Variants in DICER1 observed in about 807,000 individuals in gnomAD.
DICER1 encodes the protein dicer 1, ribonuclease III.
DICER1 carries 43 observed loss-of-function variants against 194.1 expected under a neutral mutation model. That is an observed-to-expected ratio of 0.22 (90% CI 0.17 to 0.29). The LOEUF (loss-of-function observed/expected upper bound fraction) is 0.29, where lower values mean the gene tolerates loss of function less well. Among genes scored for constraint, DICER1 ranks in the 10% least tolerant of loss-of-function variants. DICER1 has a pLI of 1.00. For missense variants in DICER1, 1,608 were observed against 2,317.0 expected (o/e 0.69, Z 6.28); for synonymous variants, 832 against 820.5 (o/e 1.01, Z -0.24).
chr14:95,096,676 T>C lies in DICER1; in HGVS notation c.4244A>G (p.Glu1415Gly), dbSNP rs1343899610. The C allele has an allele frequency of 6.2e-7, 1 of 1,612,666 alleles. No individual in the cohort carries two copies. Among genetic ancestry groups the C allele is most frequent in the Non-Finnish European group, 8.5e-7 (1 of 1,179,312 alleles). Reference protein sequence around the residue: ...DCMLANGKLDEDYEEEDEEEE... With the variant: ...DCMLANGKLDGDYEEEDEEEE... ...CTCCTCATCCTCCTCCTCGTAATCC[T>C]CATCCAGTTTGCCATTCGCCAGCAT... Residue 1415 changes from glutamate to glycine, a missense_variant, in exon 23 of 27, where the codon GAG (glutamate) becomes GGG (glycine). This residue lies in a region of DICER1 where 164 missense variants were observed against 183.7 expected (regional missense o/e 0.89). Coordinates refer to ENST00000343455, the MANE Select transcript of DICER1 (RefSeq NM_177438.3).
Position 95,132,548 on chromosome 14 carries a change from TTCTGC to T in DICER1, c.269_273del (p.Ser90LysfsTer53). 6.2e-7 allele frequency: 1 copy of T among 1,614,038 alleles called. No individual in the cohort carries two copies. On this transcript the variant is annotated frameshift_variant, in exon 3 of 27. Transcript: ENST00000343455. LOFTEE classifies it high-confidence loss of function. The stretch of plus-strand genomic sequence containing the variant: ...ACCAAGAACACCGTCCTTTTTCCAT[TTCTGC>T]TGAAGTCTCCCCTGATCTGATAGGA...
Position 95,116,580 on chromosome 14 carries a change from T to C in DICER1, c.1625A>G (p.Glu542Gly), listed in dbSNP as rs761391603. 2.7e-5 allele frequency: 44 copies of C among 1,613,942 alleles called. No homozygotes were observed. The highest frequency in any genetic ancestry group is 3.6e-5 in the Non-Finnish European group (42 of 1,179,982). ...TTTAGATTGAACATAGGATCGATAT[T>C]CTGTGGGCAAATCAAAACGAACCAC... ...NLVVRFDLPT[E>G]YRSYVQSKGR... Residue 542 changes from glutamate (E) to glycine (G), a missense_variant, in exon 10 of 27, where the codon GAA becomes GGA. Physicochemically the swap from Glu to Gly is moderately conservative, Grantham distance 98. Coordinates refer to ENST00000343455, the MANE Select transcript of DICER1 (RefSeq NM_177438.3).
chr14:95,118,329 A>C (rs1294945202), intron 8 of DICER1, among the ~76,000 whole-genome samples: 2 of 152,046 alleles, frequency 1.3e-5, no homozygotes, highest in Non-Finnish European at 2.9e-5. Flanking sequence ...TTATCCTATC[A>C]CCTGATATCA....
At position 95,089,975 on chromosome 14, in the gene DICER1, T is replaced by C. The variant is rs1889640845; in HGVS notation, c.*523A>G. The C allele has an allele frequency of 7.3e-6, 2 of 273,564 alleles. No individual in the cohort carries two copies. Among genetic ancestry groups the C allele is most frequent in the East Asian group, 1.1e-4 (2 of 18,348 alleles). 16.9% of individuals were successfully genotyped at this position (273,564 alleles called of 1,614,324 possible). Reference sequence around the variant, plus strand: ...CGACCGGGAACATCACCTTACACAGTATAACGTGGAAAGAAAAGACAACAT... The same window carrying C: ...CGACCGGGAACATCACCTTACACAGCATAACGTGGAAAGAAAAGACAACAT... On this transcript the variant is annotated 3_prime_UTR_variant, in exon 27 of 27. Transcript: ENST00000343455.
At chr14:95,123,140 A>C (rs1448400643) in intron 8 of DICER1, among the ~76,000 whole-genome samples, 2 of 152,202 alleles carry the variant, frequency 1.3e-5, no homozygotes, top group African/African-American at 4.8e-5. Flanking sequence ...AAAAAATAAG[A>C]GTATCTATCT....
In DICER1 at chr14:95,087,246, A is replaced by G. The variant is rs1889407570; in HGVS notation, c.*3252T>C. On this transcript the variant is annotated 3_prime_UTR_variant, in exon 27 of 27. Coordinates refer to ENST00000343455, the MANE Select transcript of DICER1 (RefSeq NM_177438.3). ...AGAATCTTTCTGAGGGCAAAGTATT[A>G]TTAACAAATAAAAATATCAGTATTT... 1 of 233,394 alleles carries G rather than the reference A, an allele frequency of 4.3e-6. No individual in the cohort carries two copies. Among genetic ancestry groups the G allele is most frequent in the Non-Finnish European group, 8.5e-6 (1 of 117,886 alleles). The allele number at this position is 233,394 out of a possible 1,614,324, so 14.5% of individuals were successfully genotyped here.
intron 1 of DICER1, among the ~76,000 whole-genome samples, chr14:95,155,162 T>C (rs1895762701): frequency 6.6e-6 from 1 of 152,188 alleles, no homozygotes; most frequent in South Asian, 2.1e-4. Context: ...ATCGAGTTGA[T>C]CGCAGGGTCA....
chr14:95,105,405 A>T lies in DICER1; in HGVS notation c.3094-159T>A, dbSNP rs1238129110. ...AAATAATCCTCTAAGGCCAAATGGG[A>T]TTTATCAAAGGATTTATGAGAATGA... On this transcript the variant is annotated intron_variant, in intron 19 of 26. Transcript: ENST00000343455. The surrounding 1 kb of genome is among the most constrained non-coding windows in gnomAD (Gnocchi z 4.9). Among the ~76,000 whole-genome samples the T allele has an allele frequency of 1.3e-5, 2 of 152,218 alleles. No individual in the cohort carries two copies. The highest frequency in any genetic ancestry group is 3.8e-4 in the East Asian group (2 of 5,204).
At chr14:95,139,525 T>C (rs960743185) in intron 1 of DICER1, among the ~76,000 whole-genome samples, 2 of 152,246 alleles carry the variant, frequency 1.3e-5, no homozygotes, top group African/African-American at 4.8e-5. Flanking sequence ...ATACACAACA[T>C]ACATGTTATT....
Position 95,157,235 on chromosome 14 carries a change from G to C in DICER1, c.-51C>G, listed in dbSNP as rs986194180. On this transcript the variant is annotated 5_prime_UTR_variant, in exon 1 of 27. Transcript: ENST00000343455. ...TCCGCGGGAGCCCGCCTCACCTGCA[G>C]CACGGGGCGCCGCGGGCCTTCGAGA... The C allele has an allele frequency of 1.3e-5, 2 of 150,866 alleles. No homozygotes were observed. Among genetic ancestry groups the C allele is most frequent in the Non-Finnish European group, 3.0e-5 (2 of 67,596 alleles). The allele number at this position is 150,866 out of a possible 1,614,324, so 9.3% of individuals were successfully genotyped here. A position where few individuals can be genotyped will look rare whatever the true frequency, so the allele number is the denominator to read the frequency against.
rs1891945229 is a variant in DICER1, at chr14:95,111,386, A to G, written c.2187T>C (p.His729=). ...TVKYEEELDL[H]DEEETSVPGR... is the part of the protein sequence containing the mutation. ...CTGGAACACTGGTCTCTTCTTCATC[A>G]TGCAAATCAAGCTCCTCTTCATATT... The change falls in exon 14 of 27, where the codon CAT becomes CAC. Residue 729 remains histidine (H), a synonymous_variant. Transcript: ENST00000343455. 1.2e-6 allele frequency: 2 copies of G among 1,614,052 alleles called. No homozygotes were observed. Among genetic ancestry groups the G allele is most frequent in the South Asian group, 1.1e-5 (1 of 91,086 alleles).
At chr14:95,108,743 T>C (rs1432916735) in intron 14 of DICER1, among the ~76,000 whole-genome samples, 2 of 152,222 alleles carry the variant, frequency 1.3e-5, no homozygotes, top group Admixed American at 6.5e-5. Flanking sequence ...GCTGACTACA[T>C]AGCTAATACC....
intron 24 of DICER1, among the ~76,000 whole-genome samples, chr14:95,093,551 A>G (rs1890034667): frequency 6.6e-6 from 1 of 152,246 alleles, no homozygotes; most frequent in East Asian, 1.9e-4. Context: ...GGCTTTTACT[A>G]AAGCTAAACC....
chr14:95,107,618 T>C lies in DICER1; in HGVS notation c.2794A>G (p.Ile932Val). Residue 932 changes from isoleucine (I) to valine (V), a missense_variant, in exon 17 of 27, where the codon ATC becomes GTC. Physicochemically the swap from Ile to Val is conservative, Grantham distance 29 (BLOSUM62 3). Coordinates refer to ENST00000343455, the MANE Select transcript of DICER1 (RefSeq NM_177438.3). ...FKLEDYQDAV[I>V]IPRYRNFDQP... is the part of the protein sequence containing the mutation. ...CATTTAAATACCTACCTTGGAATGA[T>C]AACGGCATCTTGGTAATCTTCTAAT... The C allele has an allele frequency of 1.2e-6, 2 of 1,613,988 alleles. No individual in the cohort carries two copies. The highest frequency in any genetic ancestry group is 1.1e-5 in the South Asian group (1 of 91,080).
intron 1 of DICER1, among the ~76,000 whole-genome samples, chr14:95,136,396 A>G (rs1012509606): frequency 4.3e-4 from 65 of 151,976 alleles, no homozygotes; most frequent in African/African-American, 1.5e-3. Context: ...TTTTTTCACC[A>G]AGACTGAGAA....
Position 95,103,755 on chromosome 14 carries a change from G to A in DICER1, c.3641C>T (p.Thr1214Ile), listed in dbSNP as rs769277842. 1.2e-6 allele frequency: 2 copies of A among 1,614,206 alleles called. No individual in the cohort carries two copies. The highest frequency in any genetic ancestry group is 1.7e-6 in the Non-Finnish European group (2 of 1,180,030). Reference sequence around the variant, plus strand: ...TAAATTCTGAATGGAATATGAGGTAGTTGGTTGCACGGGTATTTCCTGCTT... The same window carrying A: ...TAAATTCTGAATGGAATATGAGGTAATTGGTTGCACGGGTATTTCCTGCTT... ...YYKQEIPVQP[T>I]TSYSIQNLYS... is the part of the protein sequence containing the mutation. Residue 1214 changes from threonine (T) to isoleucine (I), a missense_variant, in exon 21 of 27, where the codon ACT becomes ATT. This residue lies in a region of DICER1 where 222 missense variants were observed against 215.5 expected (regional missense o/e 1.03). Transcript: ENST00000343455.
At chr14:95,103,171 T>C (rs1891044120) in intron 21 of DICER1, among the ~76,000 whole-genome samples, 175 bp downstream of exon 21, 1 of 152,144 alleles carries the variant, frequency 6.6e-6, no homozygotes, top group Non-Finnish European at 1.5e-5. Context: ...AACTGCCAGG[T>C]AGTTCTGCCA....
chr14:95,133,906 C>T (rs1894164865), intron 1 of DICER1, among the ~76,000 whole-genome samples: 1 of 152,156 alleles, frequency 6.6e-6, no homozygotes, highest in South Asian at 2.1e-4. Context: ...TGACACAGAA[C>T]AATGTCCATA....
In DICER1 at chr14:95,089,607, T is replaced by G. The variant is rs750494177; in HGVS notation, c.*891A>C. 1.1e-4 allele frequency: 25 copies of G among 231,704 alleles called. No homozygotes were observed. Among genetic ancestry groups the G allele is most frequent in the Non-Finnish European group, 1.9e-4 (22 of 117,214 alleles). The allele number at this position is 231,704 out of a possible 1,614,324, so 14.4% of individuals were successfully genotyped here. A position where few individuals can be genotyped will look rare whatever the true frequency, so the allele number is the denominator to read the frequency against. ...ATGGGGTGTTTAGCCAAAGATCATT[T>G]TTATGATAAAAAATATCCGTAGACT... On this transcript the variant is annotated 3_prime_UTR_variant, in exon 27 of 27. Coordinates refer to ENST00000343455, the MANE Select transcript of DICER1 (RefSeq NM_177438.3).
Sources: gnomAD v4.1 joint callset for allele counts (sites outside exome capture counted in the v4.1 genomes callset) on GRCh38, gnomAD v4.1.1 for gene constraint, gnomAD v4.1.1 regional missense constraint, Gnocchi (gnomAD v3.1) non-coding constraint, MANE v1.5 for transcripts, NCBI Gene and HGNC (gene_info 2026-07-23, HGNC 2026-07-21) for gene names.